Variants in POLK observed in about 807,000 individuals in gnomAD.
POLK encodes polymerase (DNA directed) kappa.
Under a neutral mutation model 94.0 loss-of-function variants are expected in POLK, and 76 were observed. The observed-to-expected ratio is 0.81, with a 90% CI of 0.67 to 0.98. POLK has a LOEUF of 0.98. Ranked by LOEUF, POLK falls within the 50% of genes least tolerant of loss-of-function variation. The pLI, the probability that POLK is intolerant of heterozygous loss-of-function variation, is 0.00. For synonymous variants in POLK, 349 were observed against 325.4 expected (o/e 1.07, Z -0.78); for missense variants, 954 against 1,010.1 (o/e 0.94, Z 0.75).
intron 1 of POLK, among the ~76,000 whole-genome samples, chr5:75,536,921 C>T (rs1769473216): frequency 6.6e-6 from 1 of 152,056 alleles, no homozygotes; most frequent in Non-Finnish European, 1.5e-5. Context: ...CCCAGCATTT[C>T]TTGGGATGAC....
At chr5:75,596,164 C>A in intron 12 of POLK, 58 bp from the exon 13 acceptor site, 1 of 908,264 alleles carries the variant, frequency 1.1e-6, no homozygotes, top group Non-Finnish European at 1.7e-6. Flanking sequence ...TGTTTTTATG[C>A]ATTGTGAGTG....
chr5:75,590,268 TAA>T, intron 10 of POLK, 74 bp from the exon 11 acceptor site: 1 of 672,700 alleles, frequency 1.5e-6, no homozygotes, highest in Non-Finnish European at 2.5e-6. Flanking sequence ...GCTAGCCATA[TAA>T]ACATGCATAC....
chr5:75,577,361 A>G (rs1283132985), intron 6 of POLK, among the ~76,000 whole-genome samples: 1 of 152,168 alleles, frequency 6.6e-6, no homozygotes, highest in Non-Finnish European at 1.5e-5. Context: ...AATTTTCTAT[A>G]ATCTAATTAT....
chr5:75,527,577 A>ATG (rs888502618), intron 1 of POLK, among the ~76,000 whole-genome samples: 6 of 149,886 alleles, frequency 4.0e-5, no homozygotes, highest in Admixed American at 2.7e-4. Flanking sequence ...ATACATGTGT[A>ATG]TGTGTGTGTG....
At chr5:75,575,855 G>A (rs1561389682) in intron 5 of POLK, among the ~76,000 whole-genome samples, 1 of 152,062 alleles carries the variant, frequency 6.6e-6, no homozygotes, top group East Asian at 1.9e-4. Flanking sequence ...TCATGATACA[G>A]TAGACAGTTT....
intron 1 of POLK, among the ~76,000 whole-genome samples, chr5:75,523,263 C>T (rs1768671957): frequency 6.6e-6 from 1 of 152,108 alleles, no homozygotes; most frequent in South Asian, 2.1e-4. Flanking sequence ...ATCTGAATGT[C>T]ATTTTAGTTA....
intron 4 of POLK, among the ~76,000 whole-genome samples, chr5:75,573,063 CAT>C (rs1460776648): frequency 3.9e-5 from 6 of 152,106 alleles, no homozygotes; most frequent in Non-Finnish European, 7.3e-5. Context: ...CACATGCACA[CAT>C]ATGTTTATTG....
At chr5:75,524,763 A>G (rs771220875) in intron 1 of POLK, among the ~76,000 whole-genome samples, 4 of 152,228 alleles carry the variant, frequency 2.6e-5, no homozygotes, top group African/African-American at 4.8e-5. Context: ...ACAGTAAGGC[A>G]TAACTAATGT....
intron 1 of POLK, among the ~76,000 whole-genome samples, chr5:75,533,716 C>T (rs1769299342): frequency 6.6e-6 from 1 of 152,158 alleles, no homozygotes; most frequent in Non-Finnish European, 1.5e-5. Context: ...TCATTCTATC[C>T]ATGAGCATGG....
At chr5:75,597,868 A>G in intron 14 of POLK, 66 bp from the exon 15 acceptor site, 1 of 1,152,458 alleles carries the variant, frequency 8.7e-7, no homozygotes. Flanking sequence ...AGTAATCAAT[A>G]TTAAAAATGA....
chr5:75,602,518 C>CT (rs530551543), downstream of POLK, among the ~76,000 whole-genome samples: 109 of 152,248 alleles, frequency 7.2e-4, no homozygotes, highest in African/African-American at 2.5e-3. Flanking sequence ...TAGGTTAACC[C>CT]TTTACTGCAT....
the POLK span, chr5:75,609,442 A>AG: frequency 6.6e-6 from 1 of 152,000 alleles, no homozygotes; most frequent in Non-Finnish European, 1.5e-5. Context: ...TTTTGTAGAG[A>AG]GGGGGTCTCA....
intron 11 of POLK, 156 bp downstream of exon 11, chr5:75,590,596 T>C: frequency 6.8e-6 from 4 of 584,278 alleles, no homozygotes; most frequent in Non-Finnish European, 1.2e-5. Context: ...CAGATACAAA[T>C]CCAATTCTGA....
chr5:75,548,807 G>C (rs538069183), intron 2 of POLK, among the ~76,000 whole-genome samples: 5 of 151,984 alleles, frequency 3.3e-5, no homozygotes, highest in African/African-American at 1.2e-4. Flanking sequence ...AATGTAGCAG[G>C]ATATTAATTG....
At chr5:75,592,098 C>T (rs764834704) in intron 11 of POLK, among the ~76,000 whole-genome samples, 1 of 152,160 alleles carries the variant, frequency 6.6e-6, no homozygotes, top group African/African-American at 2.4e-5. Flanking sequence ...ACATTTTAAC[C>T]ATTTTTAAGT....
intron 11 of POLK, among the ~76,000 whole-genome samples, chr5:75,593,304 G>T (rs957154636): frequency 6.6e-6 from 1 of 151,658 alleles, no homozygotes; most frequent in African/African-American, 2.4e-5. Context: ...GCTAATTTTT[G>T]TATTTTTATT....
At chr5:75,520,313 T>C (rs1188431826) in intron 1 of POLK, among the ~76,000 whole-genome samples, 3 of 152,224 alleles carry the variant, frequency 2.0e-5, no homozygotes, top group Non-Finnish European at 4.4e-5. Context: ...CATACTAGAA[T>C]TATGGGAGGA....
intron 3 of POLK, among the ~76,000 whole-genome samples, chr5:75,554,341 T>C (rs1231399005): frequency 3.3e-5 from 5 of 152,112 alleles, no homozygotes; most frequent in African/African-American, 1.2e-4. Context: ...CTTAATATAT[T>C]AGAGATTTTT....
At chr5:75,512,068 G>A in intron 1 of POLK, 154 bp downstream of exon 1, 1 of 355,336 alleles carries the variant, frequency 2.8e-6, no homozygotes, top group Non-Finnish European at 5.2e-6. Flanking sequence ...GGGCCCAGAC[G>A]TGAGAGAGCT....
Sources: allele counts gnomAD v4.1 joint callset (sites outside exome capture counted in the v4.1 genomes callset), GRCh38; gene constraint gnomAD v4.1.1; transcripts MANE v1.5; gene names NCBI Gene and HGNC (gene_info 2026-07-23, HGNC 2026-07-21).